SH3RF3: variants seen among roughly 807,000 people sequenced by gnomAD.
SH3RF3 encodes the protein SH3 domain containing ring finger 3.
Under a neutral mutation model 66.3 loss-of-function variants are expected in SH3RF3, and 29 were observed. The observed-to-expected ratio is 0.44, with a 90% CI of 0.33 to 0.60. SH3RF3 has a LOEUF of 0.60. Among genes scored for constraint, SH3RF3 ranks in the 20% least tolerant of loss-of-function variants. SH3RF3 has a pLI of 0.04. For missense variants in SH3RF3, 1,194 were observed against 1,190.9 expected (o/e 1.00, Z -0.04); for synonymous variants, 583 against 532.0 (o/e 1.10, Z -1.32).
At chr2:109,292,152 C>T (rs570146762) in intron 1 of SH3RF3, among the ~76,000 whole-genome samples, 39 of 152,320 alleles carry the variant, frequency 2.6e-4, no homozygotes, top group Middle Eastern at 6.8e-3. Flanking sequence ...CGTGAGCTAC[C>T]GTGCCTGGCC....
At chr2:109,258,516 G>T (rs1479714043) in intron 1 of SH3RF3, among the ~76,000 whole-genome samples, 1 of 152,140 alleles carries the variant, frequency 6.6e-6, no homozygotes, top group Non-Finnish European at 1.5e-5. Context: ...TGGCCAGGGC[G>T]GTGAGCCTCC....
At chr2:109,188,964 A>C (rs1864479) in intron 1 of SH3RF3, among the ~76,000 whole-genome samples, 1 of 151,686 alleles carries the variant, frequency 6.6e-6, no homozygotes, top group East Asian at 2.0e-4. Context: ...TTTGTGAAGT[A>C]CTCTTTTCAT....
At chr2:109,267,398 C>T (rs997535060) in intron 1 of SH3RF3, among the ~76,000 whole-genome samples, 47 of 152,138 alleles carry the variant, frequency 3.1e-4, no homozygotes, top group African/African-American at 1.1e-3. Flanking sequence ...GCTGAGCTTG[C>T]CCGAAGAAAG....
chr2:109,475,922 C>G (rs2104744878), intron 8 of SH3RF3, among the ~76,000 whole-genome samples: 1 of 152,280 alleles, frequency 6.6e-6, no homozygotes, highest in South Asian at 2.1e-4. Flanking sequence ...CCTTCATCAA[C>G]AAAAGAGCCC....
intron 1 of SH3RF3, among the ~76,000 whole-genome samples, chr2:109,214,949 G>A (rs1463589081): frequency 6.6e-6 from 1 of 152,238 alleles, no homozygotes; most frequent in Non-Finnish European, 1.5e-5. Context: ...GTAGTGAGCT[G>A]AGGAGAGAAG....
Position 109,449,165 on chromosome 2 carries a change from T to G in SH3RF3, c.1829-5T>G, listed in dbSNP as rs1227676766. On this transcript the variant is annotated splice_region_variant and splice_polypyrimidine_tract_variant and intron_variant, in intron 7 of 9. Coordinates refer to ENST00000309415, the MANE Select transcript of SH3RF3 (RefSeq NM_001099289.3). Reference sequence around the variant, plus strand: ...AACCTGCTGTCTCTCCAACCCCGTCTCCAGCTGCCCACTCTGCAGCCCAGG... The same window carrying G: ...AACCTGCTGTCTCTCCAACCCCGTCGCCAGCTGCCCACTCTGCAGCCCAGG... 6.2e-7 allele frequency: 1 copy of G among 1,612,736 alleles called. No individual in the cohort carries two copies.
chr2:109,501,761 G>A lies in SH3RF3; in HGVS notation c.*90G>A, dbSNP rs888507814. ...AGAGAGGGAGCCATGGCGCCCCAAG[G>A]GTTCCAGGTCATCTCCAAGGCACCT... is the stretch of plus-strand genomic sequence containing the variant. On this transcript the variant is annotated 3_prime_UTR_variant, in exon 10 of 10. Coordinates refer to ENST00000309415, the MANE Select transcript of SH3RF3 (RefSeq NM_001099289.3). The A allele has an allele frequency of 3.0e-6, 2 of 658,664 alleles. No homozygotes were observed. The highest frequency in any genetic ancestry group is 5.4e-5 in the East Asian group (2 of 36,834). The allele number at this position is 658,664 out of a possible 1,614,324, so 40.8% of individuals were successfully genotyped here.
At chr2:109,170,346 C>CCTTT (rs1246244594) in intron 1 of SH3RF3, among the ~76,000 whole-genome samples, 1 of 148,552 alleles carries the variant, frequency 6.7e-6, no homozygotes. Context: ...CTCTCTCTTT[C>CCTTT]CTTTCTTTCT....
chr2:109,401,523 A>G lies in SH3RF3; in HGVS notation c.1299+2580A>G, dbSNP rs74962588. On this transcript the variant is annotated intron_variant, in intron 4 of 9. Coordinates refer to ENST00000309415, the MANE Select transcript of SH3RF3 (RefSeq NM_001099289.3). ...CAGGCCAGTGCCTATCCTGACAAGTATCTGGCCTGTGTCCTGTAATTTGTG... is the reference window on the plus strand; with the variant it reads ...CAGGCCAGTGCCTATCCTGACAAGTGTCTGGCCTGTGTCCTGTAATTTGTG... Among the ~76,000 whole-genome samples, 1,128 of 152,340 alleles carry G rather than the reference A, an allele frequency of 7.4e-3. 14 individuals carry two copies. The highest frequency in any genetic ancestry group is 0.052 in the East Asian group (270 of 5,172).
At chr2:109,385,264 G>GCGACT (rs1353721953) in intron 3 of SH3RF3, among the ~76,000 whole-genome samples, 1 of 152,214 alleles carries the variant, frequency 6.6e-6, no homozygotes, top group African/African-American at 2.4e-5. Flanking sequence ...GAGACATAGT[G>GCGACT]AAGTGCACAA....
At chr2:109,188,818 G>C (rs1187537081) in intron 1 of SH3RF3, among the ~76,000 whole-genome samples, 1 of 152,160 alleles carries the variant, frequency 6.6e-6, no homozygotes, top group Non-Finnish European at 1.5e-5. Context: ...ATTAAAAACT[G>C]TTCCTACTTT....
intron 1 of SH3RF3, among the ~76,000 whole-genome samples, chr2:109,338,837 G>A (rs569736524): frequency 2.6e-5 from 4 of 152,232 alleles, no homozygotes; most frequent in East Asian, 1.9e-4. Flanking sequence ...GAGCCATTGC[G>A]CCAAGTCTTG....
At chr2:109,140,712 G>A (rs1439771494) in intron 1 of SH3RF3, among the ~76,000 whole-genome samples, 1 of 152,162 alleles carries the variant, frequency 6.6e-6, no homozygotes, top group Non-Finnish European at 1.5e-5. Flanking sequence ...ATGGGAAATA[G>A]AATTTTTTCC....
chr2:109,347,994 T>C, intron 2 of SH3RF3, 45 bp downstream of exon 2: 4 of 1,554,590 alleles, frequency 2.6e-6, no homozygotes, highest in Non-Finnish European at 3.5e-6. Context: ...ATGCAGCCTC[T>C]GTGCCACCCA....
At chr2:109,280,397 C>T (rs2105340723) in intron 1 of SH3RF3, among the ~76,000 whole-genome samples, 1 of 152,270 alleles carries the variant, frequency 6.6e-6, no homozygotes, top group Non-Finnish European at 1.5e-5. Context: ...CCTGAGTGCG[C>T]TCTTGGCTAG....
chr2:109,222,461 C>CAATT (rs1679277093), intron 1 of SH3RF3, among the ~76,000 whole-genome samples: 1 of 151,740 alleles, frequency 6.6e-6, no homozygotes, highest in Non-Finnish European at 1.5e-5. Context: ...TAAATATGTA[C>CAATT]AATTATTATG....
chr2:109,456,171 C>G (rs1678051221), intron 8 of SH3RF3, among the ~76,000 whole-genome samples: 1 of 152,222 alleles, frequency 6.6e-6, no homozygotes, highest in African/African-American at 2.4e-5. Flanking sequence ...TGGAAACCAC[C>G]TCTGCCCTGG....
At chr2:109,497,001 C>G (rs1679276923) in intron 9 of SH3RF3, among the ~76,000 whole-genome samples, 1 of 152,158 alleles carries the variant, frequency 6.6e-6, no homozygotes, top group Admixed American at 6.5e-5. Context: ...CTTCTAGCAA[C>G]TGGAAAGGCA....
chr2:109,403,216 G>A (rs1676361740), intron 4 of SH3RF3, among the ~76,000 whole-genome samples: 1 of 152,238 alleles, frequency 6.6e-6, no homozygotes, highest in African/African-American at 2.4e-5. Flanking sequence ...CAGCCTGAGA[G>A]CCGCGCACTG....
Sources: allele counts gnomAD v4.1 joint callset (sites outside exome capture counted in the v4.1 genomes callset), GRCh38; gene constraint gnomAD v4.1.1; transcripts MANE v1.5; gene names NCBI Gene and HGNC (gene_info 2026-07-23, HGNC 2026-07-21).